The following SYNDIG1 variants were observed in gnomAD, a reference collection of about 807,000 sequenced individuals.
SYNDIG1 encodes the protein synapse differentiation inducing 1, also known as synapse differentiation-inducing gene protein 1.
In SYNDIG1, 9 loss-of-function variants were observed where a neutral mutation model predicts 19.4. That is an observed-to-expected ratio of 0.46 (90% CI 0.28 to 0.81). The LOEUF is 0.81. Ranked by LOEUF, SYNDIG1 falls within the 30% of genes least tolerant of loss-of-function variation. The probability of loss-of-function intolerance (pLI) is 0.12; values close to 1 mark genes in which losing one functional copy is unlikely to be tolerated. For missense variants in SYNDIG1, 311 were observed against 343.3 expected, an observed-to-expected ratio of 0.91 and a Z score of 0.74; for synonymous variants, 141 against 145.9, an observed-to-expected ratio of 0.97 and a Z score of 0.24.
chr20:24,652,740 G>A (rs755608915), intron 3 of SYNDIG1, among the ~76,000 whole-genome samples: 1 of 152,138 alleles, frequency 6.6e-6, no homozygotes, highest in Non-Finnish European at 1.5e-5. Context: ...CCAGCCATGT[G>A]CAGGGGAGGG....
At chr20:24,559,225 T>C (rs1162432513) in intron 2 of SYNDIG1, among the ~76,000 whole-genome samples, 1 of 152,282 alleles carries the variant, frequency 6.6e-6, no homozygotes, top group East Asian at 1.9e-4. Context: ...TTATCTTGAA[T>C]GAAACAAGCC....
intron 1 of SYNDIG1, among the ~76,000 whole-genome samples, chr20:24,540,875 T>C (rs1350067167): frequency 6.6e-6 from 1 of 152,222 alleles, no homozygotes; most frequent in Non-Finnish European, 1.5e-5. Flanking sequence ...GTGTCTTTTC[T>C]GGCTTTGGTG....
intron 1 of SYNDIG1, among the ~76,000 whole-genome samples, chr20:24,528,520 C>T (rs2057174547): frequency 6.6e-6 from 1 of 152,196 alleles, no homozygotes; most frequent in Non-Finnish European, 1.5e-5. Flanking sequence ...GACTCACTCT[C>T]TTCTTCTAAG....
intron 3 of SYNDIG1, among the ~76,000 whole-genome samples, chr20:24,663,495 T>C (rs1422648577): frequency 6.6e-6 from 1 of 152,168 alleles, no homozygotes; most frequent in African/African-American, 2.4e-5. Flanking sequence ...CCAGAGAGAC[T>C]GGAACTGTGC....
chr20:24,606,230 T>C (rs2058755266), intron 3 of SYNDIG1, among the ~76,000 whole-genome samples: 1 of 152,236 alleles, frequency 6.6e-6, no homozygotes, highest in Admixed American at 6.5e-5. Context: ...TGGCCTCAGA[T>C]GGCCTCAAGC....
chr20:24,657,511 G>T (rs2059539318), intron 3 of SYNDIG1, among the ~76,000 whole-genome samples: 1 of 152,180 alleles, frequency 6.6e-6, no homozygotes, highest in Non-Finnish European at 1.5e-5. Flanking sequence ...TGTACATTTG[G>T]TTTCACAGTC....
At chr20:24,531,526 T>C (rs2057259632) in intron 1 of SYNDIG1, among the ~76,000 whole-genome samples, 1 of 152,226 alleles carries the variant, frequency 6.6e-6, no homozygotes, top group African/African-American at 2.4e-5. Flanking sequence ...ATGCATTTGT[T>C]TGAAAATAAT....
Position 24,582,535 on chromosome 20 carries a change from C to T in SYNDIG1, c.481-2321C>T, listed in dbSNP as rs182322878. Among the ~76,000 whole-genome samples, 129 of 151,020 alleles carry T rather than the reference C, an allele frequency of 8.5e-4. 1 individual carries two copies. Among genetic ancestry groups the T allele is most frequent in the Middle Eastern group, 3.4e-3 (1 of 294 alleles). ...GCATATCCTCCAAGTGGCACACCCTCCCCACTGCTTGTCCTTCCCACCGCA... is the reference window on the plus strand; with the variant it reads ...GCATATCCTCCAAGTGGCACACCCTTCCCACTGCTTGTCCTTCCCACCGCA... On this transcript the variant is annotated intron_variant, in intron 2 of 3. Transcript: ENST00000376862.
At position 24,483,825 on chromosome 20, in the gene SYNDIG1, G is replaced by A. The variant is rs149059390; in HGVS notation, c.-79+14072G>A. ...AGGGCATTCAGAGGCCCTGCCTAGT[G>A]TGCAGGGCCTCACTTTGCTTGACAC... On this transcript the variant is annotated intron_variant, in intron 1 of 3. Transcript: ENST00000376862. Among the ~76,000 whole-genome samples, 276 of 152,290 alleles carry A rather than the reference G, an allele frequency of 1.8e-3. 2 individuals carry two copies. Among genetic ancestry groups the A allele is most frequent in the African/African-American group, 6.4e-3 (266 of 41,562 alleles).
At chr20:24,480,979 A>G (rs2146241306) in intron 1 of SYNDIG1, among the ~76,000 whole-genome samples, 1 of 152,248 alleles carries the variant, frequency 6.6e-6, no homozygotes, top group East Asian at 1.9e-4. Flanking sequence ...GGAAGAGGAG[A>G]TGGGAGTTAT....
chr20:24,540,772 C>A (rs2057453135), intron 1 of SYNDIG1, among the ~76,000 whole-genome samples: 1 of 152,112 alleles, frequency 6.6e-6, no homozygotes, highest in Non-Finnish European at 1.5e-5. Context: ...GTATATGATT[C>A]CTTTAATATG....
intron 1 of SYNDIG1, among the ~76,000 whole-genome samples, chr20:24,519,878 C>T (rs999805188): frequency 6.6e-6 from 1 of 151,930 alleles, no homozygotes; most frequent in Non-Finnish European, 1.5e-5. Context: ...ACCGCCATCA[C>T]GAAAAACACA....
At chr20:24,659,814 GT>G (rs2147395711) in intron 3 of SYNDIG1, among the ~76,000 whole-genome samples, 1 of 152,296 alleles carries the variant, frequency 6.6e-6, no homozygotes, top group Non-Finnish European at 1.5e-5. Flanking sequence ...TTCTTCTCTG[GT>G]TTTGGCATCA....
At chr20:24,581,385 G>T (rs530785374) in intron 2 of SYNDIG1, among the ~76,000 whole-genome samples, 2 of 152,044 alleles carry the variant, frequency 1.3e-5, no homozygotes, top group African/African-American at 2.4e-5. Context: ...GCAAGGATAC[G>T]TCGGGATCCA....
At chr20:24,609,800 A>G (rs893260477) in intron 3 of SYNDIG1, among the ~76,000 whole-genome samples, 1 of 152,120 alleles carries the variant, frequency 6.6e-6, no homozygotes, top group Non-Finnish European at 1.5e-5. Context: ...TCACTGTGCA[A>G]GGCCCAACCT....
chr20:24,569,511 C>T (rs2042738101), intron 2 of SYNDIG1, among the ~76,000 whole-genome samples: 1 of 152,214 alleles, frequency 6.6e-6, no homozygotes, highest in Admixed American at 6.5e-5. Context: ...ACATTGGTGA[C>T]TTGCCCAAGG....
chr20:24,665,611 C>A lies in SYNDIG1; in HGVS notation c.*107C>A. 6.8e-7 allele frequency: 1 copy of A among 1,464,146 alleles called. No homozygotes were observed. The highest frequency in any genetic ancestry group is 2.4e-5 in the East Asian group (1 of 41,200). 90.7% of individuals were successfully genotyped at this position (1,464,146 alleles called of 1,614,324 possible). A position where few individuals can be genotyped will look rare whatever the true frequency, so the allele number is the denominator to read the frequency against. On this transcript the variant is annotated 3_prime_UTR_variant, in exon 4 of 4. Transcript: ENST00000376862. ...CAGTACAAATGATTGCCAAATGATGCCACGAAGCCCTGGGATTTCCTACCC... is the reference window on the plus strand; with the variant it reads ...CAGTACAAATGATTGCCAAATGATGACACGAAGCCCTGGGATTTCCTACCC...
chr20:24,622,658 C>G (rs750067759), intron 3 of SYNDIG1, among the ~76,000 whole-genome samples: 52 of 152,192 alleles, frequency 3.4e-4, no homozygotes, highest in Non-Finnish European at 5.6e-4. Flanking sequence ...ATCCCGAAAC[C>G]ATCCCCTCTG....
intron 1 of SYNDIG1, among the ~76,000 whole-genome samples, chr20:24,479,718 C>T (rs973605039): frequency 4.6e-5 from 7 of 152,216 alleles, no homozygotes; most frequent in Admixed American, 4.6e-4. Flanking sequence ...GCAAGCTCTC[C>T]CTGCCTGCTG....
Sources: allele counts gnomAD v4.1 joint callset (sites outside exome capture counted in the v4.1 genomes callset), GRCh38; gene constraint gnomAD v4.1.1; transcripts MANE v1.5; gene names NCBI Gene and HGNC (gene_info 2026-07-23, HGNC 2026-07-21).